The following DLC1 variants were observed in gnomAD, a reference collection of about 807,000 sequenced individuals.
The protein encoded by DLC1 is rho GTPase-activating protein 7.
Under a neutral mutation model 140.3 loss-of-function variants are expected in DLC1, and 54 were observed. The ratio of observed to expected loss-of-function variants is 0.38; its 90% CI spans 0.31 to 0.48. DLC1 has a LOEUF of 0.48. Ranked by LOEUF, DLC1 falls within the 20% of genes least tolerant of loss-of-function variation. The probability of loss-of-function intolerance (pLI) is 0.96; values close to 1 mark genes in which losing one functional copy is unlikely to be tolerated. For missense variants in DLC1, 2,536 were observed against 1,907.0 expected (o/e 1.33, Z -6.14); for synonymous variants, 986 against 728.1 (o/e 1.35, Z -5.70).
At chr8:13,448,369 C>CTTCTTCTT (rs760341572) in intron 2 of DLC1, among the ~76,000 whole-genome samples, 1 of 143,842 alleles carries the variant, frequency 7.0e-6, no homozygotes, top group Non-Finnish European at 1.5e-5. Flanking sequence ...TCTTCTTCTT[C>CTTCTTCTT]TTTTTTTTTT....
At chr8:13,096,091 A>T (rs1222087169) in intron 10 of DLC1, 1 of 152,274 alleles carries the variant, frequency 6.6e-6, no homozygotes, top group Non-Finnish European at 1.5e-5. Context: ...CAGCTCTCCA[A>T]ATGACCTCTC....
intron 2 of DLC1, among the ~76,000 whole-genome samples, chr8:13,492,084 G>A (rs750701944): frequency 2.0e-5 from 3 of 152,220 alleles, no homozygotes; most frequent in Middle Eastern, 6.8e-3. Flanking sequence ...TCTTCTGTGG[G>A]TATAGAGAGA....
chr8:13,295,697 T>C (rs1831916642), intron 5 of DLC1, among the ~76,000 whole-genome samples: 1 of 152,174 alleles, frequency 6.6e-6, no homozygotes, highest in African/African-American at 2.4e-5. Flanking sequence ...AGAAGTATAG[T>C]CATGCCAGCA....
At chr8:13,330,541 T>C (rs1329176303) in intron 4 of DLC1, among the ~76,000 whole-genome samples, 1 of 152,154 alleles carries the variant, frequency 6.6e-6, no homozygotes, top group African/African-American at 2.4e-5. Flanking sequence ...ATATTAATTC[T>C]AGATAATTAT....
chr8:13,297,433 C>T (rs1181354017), intron 5 of DLC1, among the ~76,000 whole-genome samples: 1 of 151,882 alleles, frequency 6.6e-6, no homozygotes, highest in African/African-American at 2.4e-5. Context: ...TCTTGCTAAA[C>T]CCCATAAAAC....
chr8:13,569,937 A>G (rs907211411), intron 1 of DLC1, among the ~76,000 whole-genome samples: 1 of 152,126 alleles, frequency 6.6e-6, no homozygotes, highest in African/African-American at 2.4e-5. Flanking sequence ...TGTTGCCCAG[A>G]CTGGTCTGGA....
intron 2 of DLC1, among the ~76,000 whole-genome samples, chr8:13,450,535 A>G (rs552012236): frequency 7.2e-4 from 110 of 152,092 alleles, no homozygotes; most frequent in African/African-American, 2.6e-3. Context: ...AAACTTAGAA[A>G]GCTTATTTTG....
At chr8:13,151,485 C>G (rs745623516) in intron 5 of DLC1, among the ~76,000 whole-genome samples, 10 of 152,170 alleles carry the variant, frequency 6.6e-5, no homozygotes, top group African/African-American at 9.7e-5. Flanking sequence ...TCTAAAGCCT[C>G]TGTGTGTGCT....
At chr8:13,274,070 G>A (rs1465555616) in intron 5 of DLC1, among the ~76,000 whole-genome samples, 1 of 152,166 alleles carries the variant, frequency 6.6e-6, no homozygotes, top group Admixed American at 6.5e-5. Context: ...CGAAGGCAAG[G>A]TGGTAGGACA....
intron 5 of DLC1, among the ~76,000 whole-genome samples, chr8:13,227,112 A>G (rs986445772): frequency 2.0e-5 from 3 of 152,174 alleles, no homozygotes; most frequent in Admixed American, 6.5e-5. Context: ...GGTCTCGAGC[A>G]TCTGAGTTCA....
intron 2 of DLC1, among the ~76,000 whole-genome samples, chr8:13,483,853 T>C (rs945834990): frequency 8.5e-5 from 13 of 152,096 alleles, no homozygotes; most frequent in African/African-American, 3.1e-4. Context: ...AGGCCGAGGC[T>C]GCTGGATCAC....
intron 5 of DLC1, among the ~76,000 whole-genome samples, chr8:13,163,889 G>T (rs944452181): frequency 3.9e-5 from 6 of 152,004 alleles, no homozygotes; most frequent in African/African-American, 1.4e-4. Context: ...TGCCCAGTCC[G>T]GGCTACTCAG....
intron 5 of DLC1, among the ~76,000 whole-genome samples, chr8:13,173,666 G>A (rs1825611379): frequency 6.6e-6 from 1 of 152,088 alleles, no homozygotes; most frequent in African/African-American, 2.4e-5. Context: ...CACCGCGCCC[G>A]GCCTGTTCTG....
intron 1 of DLC1, among the ~76,000 whole-genome samples, chr8:13,512,598 C>T (rs1792664487): frequency 6.6e-6 from 1 of 151,760 alleles, no homozygotes; most frequent in African/African-American, 2.4e-5. Context: ...GTGAAAAGAC[C>T]CACATAGAAC....
chr8:13,388,688 G>A (rs879322369), intron 4 of DLC1, among the ~76,000 whole-genome samples: 5 of 151,792 alleles, frequency 3.3e-5, no homozygotes, highest in Non-Finnish European at 5.9e-5. Context: ...GTGAATATAT[G>A]TACACACACA....
intron 4 of DLC1, among the ~76,000 whole-genome samples, chr8:13,370,788 C>T (rs747348704): frequency 8.5e-5 from 13 of 152,144 alleles, no homozygotes; most frequent in Non-Finnish European, 1.8e-4. Flanking sequence ...ATTCTTGTTG[C>T]TCTAAATCCA....
At chr8:13,529,882 A>G (rs139893220) in intron 1 of DLC1, among the ~76,000 whole-genome samples, 22 of 152,308 alleles carry the variant, frequency 1.4e-4, no homozygotes, top group Admixed American at 2.6e-4. Context: ...GTTTATTTCT[A>G]TTCCTAACAC....
intron 5 of DLC1, among the ~76,000 whole-genome samples, chr8:13,148,502 C>A (rs945028103): frequency 6.6e-6 from 1 of 152,196 alleles, no homozygotes; most frequent in East Asian, 1.9e-4. Context: ...ATGGAGCACA[C>A]ACAATTTTGA....
chr8:13,207,731 G>A (rs572839938), intron 5 of DLC1, among the ~76,000 whole-genome samples: 12 of 152,246 alleles, frequency 7.9e-5, no homozygotes, highest in Non-Finnish European at 1.8e-4. Flanking sequence ...GGTTTTGGCT[G>A]TCACACCTGG....
Sources: gnomAD v4.1 joint callset for allele counts (sites outside exome capture counted in the v4.1 genomes callset) on GRCh38, gnomAD v4.1.1 for gene constraint, MANE v1.5 for transcripts, NCBI Gene and HGNC (gene_info 2026-07-23, HGNC 2026-07-21) for gene names.